Variants in ST6GALNAC5 observed in about 807,000 individuals in gnomAD.
The protein encoded by ST6GALNAC5 is ST6 N-acetylgalactosaminide alpha-2,6-sialyltransferase 5.
In ST6GALNAC5, 27 loss-of-function variants were observed where a neutral mutation model predicts 33.6. The observed-to-expected ratio is 0.80, with a 90% CI of 0.59 to 1.11. The LOEUF is 1.11. Ranked by LOEUF, ST6GALNAC5 falls within the 50% of genes least tolerant of loss-of-function variation. The probability of loss-of-function intolerance (pLI) is 0.00; values close to 1 mark genes in which losing one functional copy is unlikely to be tolerated. For synonymous variants in ST6GALNAC5, 194 were observed against 171.2 expected, an observed-to-expected ratio of 1.13 and a Z score of -1.04; for missense variants, 428 against 454.0, an observed-to-expected ratio of 0.94 and a Z score of 0.52.
At chr1:76,905,074 A>C (rs1040903333) in intron 2 of ST6GALNAC5, among the ~76,000 whole-genome samples, 22 of 152,102 alleles carry the variant, frequency 1.4e-4, no homozygotes, top group African/African-American at 5.1e-4. Context: ...TGCACTTGTT[A>C]TTTACTCACC....
chr1:76,881,343 A>G (rs1194573758), intron 2 of ST6GALNAC5, among the ~76,000 whole-genome samples: 1 of 152,172 alleles, frequency 6.6e-6, no homozygotes, highest in Non-Finnish European at 1.5e-5. Context: ...TCTATTCAAT[A>G]TGTCTTTCTA....
At chr1:77,051,324 C>T (rs41515647) in intron 4 of ST6GALNAC5, among the ~76,000 whole-genome samples, 1 of 152,094 alleles carries the variant, frequency 6.6e-6, no homozygotes, top group African/African-American at 2.4e-5. Flanking sequence ...AAAGATCCAA[C>T]ACAGCAACAA....
chr1:76,905,239 G>A (rs2350527), intron 2 of ST6GALNAC5, among the ~76,000 whole-genome samples: 11,345 of 152,168 alleles, frequency 0.075, 969 homozygotes, highest in African/African-American at 0.21. Flanking sequence ...ATGAGGTGGC[G>A]GGATAACTAC....
At chr1:76,997,647 A>G (rs1222110630) in intron 2 of ST6GALNAC5, among the ~76,000 whole-genome samples, 1 of 152,198 alleles carries the variant, frequency 6.6e-6, no homozygotes, top group Non-Finnish European at 1.5e-5. Context: ...AATAAAACTT[A>G]ATGTCTATAG....
At chr1:77,016,871 G>A (rs958155226) in intron 2 of ST6GALNAC5, among the ~76,000 whole-genome samples, 1 of 152,174 alleles carries the variant, frequency 6.6e-6, no homozygotes, top group Non-Finnish European at 1.5e-5. Context: ...TTAATTGGGT[G>A]AAAGTAATGT....
At chr1:77,027,564 T>C (rs1651294013) in intron 2 of ST6GALNAC5, among the ~76,000 whole-genome samples, 1 of 152,204 alleles carries the variant, frequency 6.6e-6, no homozygotes. Context: ...CAATGGGAAC[T>C]GGGAGACGCA....
At chr1:77,009,109 A>G (rs1650534722) in intron 2 of ST6GALNAC5, among the ~76,000 whole-genome samples, 1 of 152,188 alleles carries the variant, frequency 6.6e-6, no homozygotes, top group African/African-American at 2.4e-5. Context: ...CCACCACAAC[A>G]ATAAAAACTA....
chr1:76,870,503 C>T (rs553781756), intron 2 of ST6GALNAC5, among the ~76,000 whole-genome samples: 1 of 152,276 alleles, frequency 6.6e-6, no homozygotes, highest in South Asian at 2.1e-4. Flanking sequence ...ATATTGAGAG[C>T]TTAATGCAAA....
At chr1:76,958,949 C>T (rs749604606) in intron 2 of ST6GALNAC5, among the ~76,000 whole-genome samples, 48 of 152,196 alleles carry the variant, frequency 3.2e-4, no homozygotes, top group Middle Eastern at 3.4e-3. Context: ...ATTTTCTTAC[C>T]GGGAATGATT....
At chr1:76,934,015 C>T (rs1228511115) in intron 2 of ST6GALNAC5, among the ~76,000 whole-genome samples, 2 of 151,996 alleles carry the variant, frequency 1.3e-5, no homozygotes, top group African/African-American at 4.8e-5. Context: ...CCTCCATTTT[C>T]CTTTTTTGTT....
At chr1:77,028,018 G>A (rs1213166366) in intron 2 of ST6GALNAC5, among the ~76,000 whole-genome samples, 1 of 152,180 alleles carries the variant, frequency 6.6e-6, no homozygotes, top group Non-Finnish European at 1.5e-5. Flanking sequence ...AGCTGGGCCA[G>A]GGCAGTGGGG....
Position 76,868,373 on chromosome 1 carries a change from TG to T in ST6GALNAC5, c.16-120del. 1 of 1,395,260 alleles carries T rather than the reference TG, an allele frequency of 7.2e-7. No individual in the cohort carries two copies. Among genetic ancestry groups the T allele is most frequent in the Non-Finnish European group, 9.5e-7 (1 of 1,055,658 alleles). The allele number at this position is 1,395,260 out of a possible 1,614,324, so 86.4% of individuals were successfully genotyped here. On this transcript the variant is annotated intron_variant, in intron 1 of 4. Transcript: ENST00000477717. The surrounding 1 kb of genome is among the most constrained non-coding windows in gnomAD (Gnocchi z 4.3). ...CTGTCCCAGTTGCGTGCGGCGGGGC[TG>T]GGGCCCAGGCCGCCCCAAATCTCCC... is the stretch of plus-strand genomic sequence containing the variant.
intron 2 of ST6GALNAC5, among the ~76,000 whole-genome samples, chr1:76,901,420 T>C (rs1344471229): frequency 6.6e-6 from 1 of 152,218 alleles, no homozygotes; most frequent in Admixed American, 6.5e-5. Context: ...GGTTAGCACC[T>C]AGGTTTTTAT....
At chr1:77,040,854 G>A (rs1651808503) in intron 2 of ST6GALNAC5, among the ~76,000 whole-genome samples, 1 of 152,340 alleles carries the variant, frequency 6.6e-6, no homozygotes, top group Middle Eastern at 3.4e-3. Flanking sequence ...TTAAGCAAAT[G>A]TGCTGAGTTA....
intron 2 of ST6GALNAC5, among the ~76,000 whole-genome samples, chr1:76,876,402 G>A (rs966566451): frequency 1.3e-5 from 2 of 152,150 alleles, no homozygotes; most frequent in Non-Finnish European, 2.9e-5. Flanking sequence ...GGGTGGCTGG[G>A]GAAAGAGGCT....
chr1:77,007,768 G>C (rs1650479354), intron 2 of ST6GALNAC5, among the ~76,000 whole-genome samples: 1 of 152,216 alleles, frequency 6.6e-6, no homozygotes, highest in Non-Finnish European at 1.5e-5. Context: ...AGTAACCGTG[G>C]CTTGCCGTAA....
intron 2 of ST6GALNAC5, among the ~76,000 whole-genome samples, chr1:76,919,231 G>A (rs963319990): frequency 3.9e-5 from 6 of 152,094 alleles, no homozygotes; most frequent in African/African-American, 1.4e-4. Flanking sequence ...GAGGATTGAG[G>A]GAAAATGCCT....
At position 76,868,815 on chromosome 1, in the gene ST6GALNAC5, C is replaced by G. The variant is rs753898241; in HGVS notation, c.261+73C>G. Reference sequence around the variant, plus strand: ...GCACACCTGAGCCTTCCCCCTTTCCCGGGGCTGGGAGGCGCTGTGAGTAGG... The same window carrying G: ...GCACACCTGAGCCTTCCCCCTTTCCGGGGGCTGGGAGGCGCTGTGAGTAGG... On this transcript the variant is annotated intron_variant, in intron 2 of 4. Transcript: ENST00000477717. The surrounding 1 kb of genome is among the most constrained non-coding windows in gnomAD (Gnocchi z 4.3). 2.1e-6 allele frequency: 3 copies of G among 1,430,702 alleles called. No individual in the cohort carries two copies. Among genetic ancestry groups the G allele is most frequent in the Admixed American group, 2.9e-5 (1 of 33,930 alleles). The allele number at this position is 1,430,702 out of a possible 1,614,324, so 88.6% of individuals were successfully genotyped here.
chr1:76,886,496 A>G (rs1225708517), intron 2 of ST6GALNAC5, among the ~76,000 whole-genome samples: 1 of 152,102 alleles, frequency 6.6e-6, no homozygotes, highest in African/African-American at 2.4e-5. Context: ...CAGGGGATAT[A>G]TATTATATGT....
Sources: allele counts gnomAD v4.1 joint callset (sites outside exome capture counted in the v4.1 genomes callset), GRCh38; gene constraint gnomAD v4.1.1; non-coding constraint Gnocchi (gnomAD v3.1); transcripts MANE v1.5; gene names NCBI Gene and HGNC (gene_info 2026-07-23, HGNC 2026-07-21).